CACNA1I: variants seen among roughly 807,000 people sequenced by gnomAD.
CACNA1I encodes the protein voltage-dependent T-type calcium channel subunit alpha-1I.
A neutral mutation model predicts 201.6 loss-of-function variants in CACNA1I; 74 were observed. The observed-to-expected ratio is 0.37, with a 90% CI of 0.30 to 0.45. The LOEUF is 0.45. Among genes scored for constraint, CACNA1I ranks in the 20% least tolerant of loss-of-function variants. The pLI is 1.00. For synonymous variants in CACNA1I, 1,431 were observed against 1,345.2 expected (o/e 1.06, Z -1.40); for missense variants, 2,346 against 3,138.1 (o/e 0.75, Z 6.03).
chr22:39,658,283 C>A lies in CACNA1I; in HGVS notation c.2124C>A (p.Asp708Glu). Residue 708 changes from aspartate to glutamate, a missense_variant, in exon 11 of 37, where the codon GAC becomes GAA. Coordinates refer to ENST00000402142, the MANE Select transcript of CACNA1I (RefSeq NM_021096.4). Reference protein sequence around the residue: ...DYLRNPYNIFDSIIVIISIWE... With the variant: ...DYLRNPYNIFESIIVIISIWE... Reference sequence around the variant, plus strand: ...TGCGTAACCCCTACAACATCTTCGACAGCATCATTGTCATCATCAGGTACC... The same window carrying A: ...TGCGTAACCCCTACAACATCTTCGAAAGCATCATTGTCATCATCAGGTACC... 1 of 1,613,984 alleles carries A rather than the reference C, an allele frequency of 6.2e-7. No homozygotes were observed. The highest frequency in any genetic ancestry group is 8.5e-7 in the Non-Finnish European group (1 of 1,179,876).
chr22:39,687,246 C>G lies in CACNA1I; in HGVS notation c.*841C>G, dbSNP rs931241598. ...CTTCTGAGGGGGTGGGTTCCACCCCCAGGAGGGCGGGGGTGGGTGGAGCAG... is the reference window on the plus strand; with the variant it reads ...CTTCTGAGGGGGTGGGTTCCACCCCGAGGAGGGCGGGGGTGGGTGGAGCAG... On this transcript the variant is annotated 3_prime_UTR_variant, in exon 37 of 37. Transcript: ENST00000402142. The G allele has an allele frequency of 6.6e-6, 1 of 152,250 alleles. No individual in the cohort carries two copies. Among genetic ancestry groups the G allele is most frequent in the African/African-American group, 2.4e-5 (1 of 41,374 alleles). The allele number at this position is 152,250 out of a possible 1,614,324, so 9.4% of individuals were successfully genotyped here.
At position 39,598,274 on chromosome 22, in the gene CACNA1I, G is replaced by GGGCCC; in HGVS notation, c.348+12_348+13insGGCCC. 1 of 1,311,198 alleles carries GGGCCC rather than the reference G, an allele frequency of 7.6e-7. No individual in the cohort carries two copies. The highest frequency in any genetic ancestry group is 1.0e-6 in the Non-Finnish European group (1 of 971,796). The allele number at this position is 1,311,198 out of a possible 1,614,324, so 81.2% of individuals were successfully genotyped here. A position where few individuals can be genotyped will look rare whatever the true frequency, so the allele number is the denominator to read the frequency against. Reference sequence around the variant, plus strand: ...GCAAGATCCTGCAGGTGAGCCGGCCGCCCCGCCCCGCCCCGCCCTGCCCTC... The same window carrying GGGCCC: ...GCAAGATCCTGCAGGTGAGCCGGCCGGGCCCCCCCGCCCCGCCCCGCCCTGCCCTC... On this transcript the variant is annotated intron_variant, in intron 2 of 36. Transcript: ENST00000402142.
In CACNA1I at chr22:39,684,203, A is replaced by G; in HGVS notation, c.5831-99A>G. ...CAGTCAGTTTATTAGGTGGCCCCTC[A>G]CTGCTGGCCCAGTGAGATTGGTGCT... On this transcript the variant is annotated intron_variant, in intron 35 of 36. Coordinates refer to ENST00000402142, the MANE Select transcript of CACNA1I (RefSeq NM_021096.4). The surrounding 1 kb of genome is among the most constrained non-coding windows in gnomAD (Gnocchi z 4.6). 1.0e-6 allele frequency: 1 copy of G among 973,306 alleles called. No homozygotes were observed. The allele number at this position is 973,306 out of a possible 1,614,324, so 60.3% of individuals were successfully genotyped here.
intron 3 of CACNA1I, among the ~76,000 whole-genome samples, chr22:39,601,315 C>T (rs1313223724): frequency 1.3e-5 from 2 of 152,244 alleles, no homozygotes; most frequent in Non-Finnish European, 2.9e-5. Flanking sequence ...ACTCCTGTCT[C>T]GGGGAGGCAC....
At chr22:39,592,310 G>T (rs1381527800) in intron 1 of CACNA1I, among the ~76,000 whole-genome samples, 1 of 152,226 alleles carries the variant, frequency 6.6e-6, no homozygotes, top group African/African-American at 2.4e-5. Context: ...TGCCGAGTGT[G>T]TGGGGAAACG....
chr22:39,660,464 G>A (rs1015247565), intron 15 of CACNA1I, 27 bp downstream of exon 15: 148 of 1,536,848 alleles, frequency 9.6e-5, no homozygotes, highest in Non-Finnish European at 1.3e-4. Context: ...TTGTCACCTA[G>A]AGAGCCCAGA....
In CACNA1I at chr22:39,662,214, C is replaced by T. The variant is rs1198093305; in HGVS notation, c.3151C>T (p.Arg1051Cys). The change falls in exon 17 of 37, where the codon CGC (arginine) becomes TGC (cysteine). Residue 1051 changes from arginine (R) to cysteine (C), a missense_variant. This residue lies in a region of CACNA1I where 288 missense variants were observed against 255.2 expected (regional missense o/e 1.13). Coordinates refer to ENST00000402142, the MANE Select transcript of CACNA1I (RefSeq NM_021096.4). ...HHGPHLAHRHRHHRRTLSLDN... is the reference protein window; with the variant it reads ...HHGPHLAHRHCHHRRTLSLDN... ...CGGGCCCCATCTGGCGCACCGCCAC[C>T]GCCACCACCGCCGGACGCTGTCCCT... is the stretch of plus-strand genomic sequence containing the variant. The T allele has an allele frequency of 2.6e-6, 4 of 1,528,786 alleles. No individual in the cohort carries two copies. Among genetic ancestry groups the T allele is most frequent in the Admixed American group, 2.0e-5 (1 of 49,776 alleles). 94.7% of individuals were successfully genotyped at this position (1,528,786 alleles called of 1,614,324 possible). A position where few individuals can be genotyped will look rare whatever the true frequency, so the allele number is the denominator to read the frequency against.
chr22:39,640,981 G>C lies in CACNA1I; in HGVS notation c.855G>C (p.Pro285=), dbSNP rs751552933. ...NGIMGCHEIP[P]LKEQGRECCL... ...TAATGGGCTGCCATGAGATCCCCCC[G>C]CTCAAGGAGCAGGGCCGTGAGTGCT... Residue 285 remains proline (P), a synonymous_variant, in exon 6 of 37, where the codon CCG becomes CCC. Transcript: ENST00000402142. 1.2e-6 allele frequency: 2 copies of C among 1,613,912 alleles called. No individual in the cohort carries two copies. Among genetic ancestry groups the C allele is most frequent in the Non-Finnish European group, 1.7e-6 (2 of 1,179,918 alleles).
At position 39,648,070 on chromosome 22, in the gene CACNA1I, G is replaced by T; in HGVS notation, c.1567+144G>T. 1.4e-6 allele frequency: 1 copy of T among 702,288 alleles called. No individual in the cohort carries two copies. Among genetic ancestry groups the T allele is most frequent in the Non-Finnish European group, 2.4e-6 (1 of 424,942 alleles). 43.5% of individuals were successfully genotyped at this position (702,288 alleles called of 1,614,324 possible). On this transcript the variant is annotated intron_variant, in intron 9 of 36. Transcript: ENST00000402142. The surrounding 1 kb of genome is among the most constrained non-coding windows in gnomAD (Gnocchi z 5.4). The stretch of plus-strand genomic sequence containing the variant: ...GCAGGCCTGTCTCCCTCTATAAAGT[G>T]AGGACAGGGGCCCCCAGCACGTGGC...
chr22:39,618,224 A>C (rs1313323249), intron 3 of CACNA1I, among the ~76,000 whole-genome samples: 10 of 103,994 alleles, frequency 9.6e-5, no homozygotes, highest in Non-Finnish European at 2.0e-4. Flanking sequence ...ATGGTGTGTG[A>C]CTGTGTGCAG....
chr22:39,629,282 G>C lies in CACNA1I; in HGVS notation c.581-5283G>C, dbSNP rs1245950182. On this transcript the variant is annotated intron_variant, in intron 4 of 36. Coordinates refer to ENST00000402142, the MANE Select transcript of CACNA1I (RefSeq NM_021096.4). The surrounding 1 kb of genome is among the most constrained non-coding windows in gnomAD (Gnocchi z 4.8). Reference sequence around the variant, plus strand: ...AGATCTGGCAAAGCGACTCCATGGGGATGTACCCCGGCCATCCCAAGCTCC... The same window carrying C: ...AGATCTGGCAAAGCGACTCCATGGGCATGTACCCCGGCCATCCCAAGCTCC... Among the ~76,000 whole-genome samples the C allele has an allele frequency of 6.6e-6, 1 of 152,138 alleles. No homozygotes were observed. The highest frequency in any genetic ancestry group is 2.4e-5 in the African/African-American group (1 of 41,424).
chr22:39,661,317 C>T lies in CACNA1I; in HGVS notation c.2901+7C>T, dbSNP rs1346091692. ...CTATGACCAGCGCTCCCTGGTGAGT[C>T]CTTGTGGGGAGCTCTGGACGGGCGC... On this transcript the variant is annotated splice_region_variant and intron_variant, in intron 16 of 36. Coordinates refer to ENST00000402142, the MANE Select transcript of CACNA1I (RefSeq NM_021096.4). 7.8e-6 allele frequency: 12 copies of T among 1,547,082 alleles called. No homozygotes were observed. The highest frequency in any genetic ancestry group is 1.4e-5 in the African/African-American group (1 of 73,042).
rs1247948742 is a variant in CACNA1I at position 39,629,878 on chromosome 22, C to T, written c.581-4687C>T. ...CTCCTCTGCCCTGGCCCCCCGCGAT[C>T]CATTCTCCACCCAGCAGCCCAGCAA... On this transcript the variant is annotated intron_variant, in intron 4 of 36. Transcript: ENST00000402142. The surrounding 1 kb of genome is among the most constrained non-coding windows in gnomAD (Gnocchi z 4.8). Among the ~76,000 whole-genome samples the T allele has an allele frequency of 6.6e-6, 1 of 152,134 alleles. No homozygotes were observed. The highest frequency in any genetic ancestry group is 2.4e-5 in the African/African-American group (1 of 41,410).
chr22:39,651,223 C>T lies in CACNA1I; in HGVS notation c.1992+1298C>T, dbSNP rs188238705. Among the ~76,000 whole-genome samples the T allele has an allele frequency of 2.3e-3, 352 of 152,264 alleles. 1 individual carries two copies. The highest frequency in any genetic ancestry group is 0.01 in the Middle Eastern group (3 of 294). ...CAACTTCTTTCTGTGGCAAGACTGA[C>T]GCCCCGGGAGGGCTTGGGATTTCGA... On this transcript the variant is annotated intron_variant, in intron 10 of 36. Transcript: ENST00000402142.
chr22:39,650,167 G>C (rs1471765101), intron 10 of CACNA1I, among the ~76,000 whole-genome samples: 1 of 152,108 alleles, frequency 6.6e-6, no homozygotes, highest in Non-Finnish European at 1.5e-5. Context: ...AAGCTGGCTA[G>C]GACTGGGCCT....
intron 35 of CACNA1I, among the ~76,000 whole-genome samples, chr22:39,683,282 G>A (rs1405670164): frequency 1.3e-5 from 2 of 152,172 alleles, no homozygotes; most frequent in African/African-American, 4.8e-5. Flanking sequence ...ATCACTGGCT[G>A]TGGAGGGAGG....
chr22:39,624,418 C>A (rs1021578037), intron 4 of CACNA1I, among the ~76,000 whole-genome samples: 1 of 152,162 alleles, frequency 6.6e-6, no homozygotes, highest in Non-Finnish European at 1.5e-5. Flanking sequence ...GAGCGGGCTC[C>A]GAGCCTTTCC....
intron 2 of CACNA1I, among the ~76,000 whole-genome samples, chr22:39,599,780 C>T (rs1038098259): frequency 1.3e-5 from 2 of 152,212 alleles, no homozygotes; most frequent in Non-Finnish European, 2.9e-5. Context: ...GTTCACCGAA[C>T]AAGCACCTCT....
intron 33 of CACNA1I, 62 bp from the exon 34 acceptor site, chr22:39,680,868 C>G: frequency 6.4e-7 from 1 of 1,554,680 alleles, no homozygotes; most frequent in South Asian, 1.2e-5. Flanking sequence ...GCTGCACGCC[C>G]CAGGACCCAG....
Sources: gnomAD v4.1 joint callset for allele counts (sites outside exome capture counted in the v4.1 genomes callset) on GRCh38, gnomAD v4.1.1 for gene constraint, gnomAD v4.1.1 regional missense constraint, Gnocchi (gnomAD v3.1) non-coding constraint, MANE v1.5 for transcripts, NCBI Gene and HGNC (gene_info 2026-07-23, HGNC 2026-07-21) for gene names.